Variants in BEND6 observed in about 807,000 individuals in gnomAD.
The protein encoded by BEND6 is BEN domain containing 6.
Under a neutral mutation model 31.8 loss-of-function variants are expected in BEND6, and 24 were observed. The ratio of observed to expected loss-of-function variants is 0.75; its 90% CI spans 0.55 to 1.06. The LOEUF (loss-of-function observed/expected upper bound fraction) is 1.06. Among genes scored for constraint, BEND6 ranks in the 50% least tolerant of loss-of-function variants. The pLI is 0.00. For synonymous variants in BEND6, 109 were observed against 114.6 expected (o/e 0.95, Z 0.31); for missense variants, 294 against 327.4 (o/e 0.90, Z 0.79).
At position 57,015,201 on chromosome 6, in the gene BEND6, G is replaced by C. The variant is rs750059493; in HGVS notation, c.367G>C (p.Gly123Arg). Reference protein sequence around the residue: ...GMAEALLKGGGTMSTSASTLW... With the variant: ...GMAEALLKGGRTMSTSASTLW... ...GGCCGAGGCTCTGCTTAAGGGTGGG[G>C]GAACCATGTCTACATCTGCATCCAC... Residue 123 changes from glycine to arginine, a missense_variant, in exon 4 of 7, where the codon GGA becomes CGA. Gly to Arg is a moderately radical substitution (Grantham distance 125). Transcript: ENST00000370746. 2 of 1,613,972 alleles carry C rather than the reference G, an allele frequency of 1.2e-6. No individual in the cohort carries two copies. The highest frequency in any genetic ancestry group is 3.3e-5 in the Admixed American group (2 of 59,998).
chr6:56,992,366 C>G lies in BEND6; in HGVS notation c.121-12C>G. The G allele has an allele frequency of 6.3e-7, 1 of 1,584,042 alleles. No individual in the cohort carries two copies. Among genetic ancestry groups the G allele is most frequent in the Non-Finnish European group, 8.5e-7 (1 of 1,170,576 alleles). ...ATGAGGCTTCTTTTATTGTGCCTGC[C>G]TTCTATTTTAGAGAGACCCATATTC... On this transcript the variant is annotated splice_polypyrimidine_tract_variant and intron_variant, in intron 2 of 6. Transcript: ENST00000370746.
chr6:57,022,199 A>G (rs1593033741), intron 6 of BEND6, among the ~76,000 whole-genome samples: 1 of 145,024 alleles, frequency 6.9e-6, no homozygotes, highest in African/African-American at 2.5e-5. Flanking sequence ...TTAGAGCAGA[A>G]CTGGTATTAC....
chr6:56,996,131 G>A (rs995738726), intron 3 of BEND6, among the ~76,000 whole-genome samples: 3 of 151,952 alleles, frequency 2.0e-5, no homozygotes, highest in African/African-American at 2.4e-5. Context: ...CTAGATGACC[G>A]TCTCCAATAA....
intron 3 of BEND6, among the ~76,000 whole-genome samples, chr6:57,004,289 A>G (rs1827064670): frequency 6.6e-6 from 1 of 152,218 alleles, no homozygotes; most frequent in Non-Finnish European, 1.5e-5. Context: ...GATTCTGCCA[A>G]ACATCTCCTC....
Position 56,983,129 on chromosome 6 carries a change from C to T in BEND6, c.120+1199C>T, listed in dbSNP as rs560592197. On this transcript the variant is annotated intron_variant, in intron 2 of 6. Transcript: ENST00000370746. ...AGTACAGTGGTATTAAAATATAGAC[C>T]TTAATCTGTTTCTGATTTTCAATCA... Among the ~76,000 whole-genome samples, 222 of 152,148 alleles carry T rather than the reference C, an allele frequency of 1.5e-3. 1 individual carries two copies. The highest frequency in any genetic ancestry group is 2.6e-3 in the Admixed American group (39 of 15,272).
intron 4 of BEND6, among the ~76,000 whole-genome samples, chr6:57,016,392 G>T (rs916205851): frequency 3.8e-4 from 58 of 152,302 alleles, no homozygotes; most frequent in African/African-American, 1.4e-3. Flanking sequence ...CAGAAGTCTG[G>T]TACAGGTCTC....
At chr6:56,981,034 G>C (rs60786847) in intron 1 of BEND6, among the ~76,000 whole-genome samples, 3,176 of 152,126 alleles carry the variant, frequency 0.021, 127 homozygotes, top group African/African-American at 0.072. Flanking sequence ...GGCTGGTCTT[G>C]AACTCCTGGG....
chr6:57,011,364 A>G lies in BEND6; in HGVS notation c.299-3769A>G, dbSNP rs549035816. On this transcript the variant is annotated intron_variant, in intron 3 of 6. Coordinates refer to ENST00000370746, the MANE Select transcript of BEND6 (RefSeq NM_152731.3). Reference sequence around the variant, plus strand: ...AATGCTATTATGCTCTCAGGAATTTATAGCATTGACATGATCAGAGGTGCA... The same window carrying G: ...AATGCTATTATGCTCTCAGGAATTTGTAGCATTGACATGATCAGAGGTGCA... 4.6e-5 allele frequency among the ~76,000 whole-genome samples: 7 copies of G among 152,322 alleles called. No homozygotes were observed. In the South Asian group the frequency reaches 8.3e-4, roughly 18 times the overall value.
At chr6:56,991,361 G>A (rs1268683886) in intron 2 of BEND6, among the ~76,000 whole-genome samples, 6 of 151,452 alleles carry the variant, frequency 4.0e-5, no homozygotes, top group Non-Finnish European at 5.9e-5. Flanking sequence ...ACTTTCTGGA[G>A]GTTTTTTTTT....
chr6:56,961,564 T>C (rs1825286714), intron 1 of BEND6, among the ~76,000 whole-genome samples: 1 of 152,160 alleles, frequency 6.6e-6, no homozygotes, highest in Non-Finnish European at 1.5e-5. Flanking sequence ...TCATGCCAAT[T>C]AACTACCCAA....
intron 1 of BEND6, among the ~76,000 whole-genome samples, chr6:56,979,606 C>T (rs895706767): frequency 6.6e-6 from 1 of 152,230 alleles, no homozygotes; most frequent in Admixed American, 6.5e-5. Flanking sequence ...CTCTGAACCC[C>T]AATTAAGCAA....
intron 4 of BEND6, among the ~76,000 whole-genome samples, chr6:57,015,673 C>G (rs375965312): frequency 2.6e-5 from 4 of 151,208 alleles, no homozygotes; most frequent in Non-Finnish European, 5.9e-5. Flanking sequence ...GACGTGATGA[C>G]GGGCACCTGT....
At chr6:56,992,657 C>T in intron 3 of BEND6, 102 bp downstream of exon 3, 2 of 1,228,648 alleles carry the variant, frequency 1.6e-6, no homozygotes, top group Non-Finnish European at 2.2e-6. Flanking sequence ...AAATCCACAC[C>T]TCTGGGAGCT....
chr6:57,021,949 G>A (rs79412407), intron 6 of BEND6, among the ~76,000 whole-genome samples: 5,245 of 152,126 alleles, frequency 0.034, 278 homozygotes, highest in African/African-American at 0.12. Flanking sequence ...TCTGGCATCC[G>A]GTGGTCAGAG....
intron 2 of BEND6, among the ~76,000 whole-genome samples, chr6:56,988,736 A>G (rs140807934): frequency 1.3e-5 from 2 of 152,018 alleles, no homozygotes; most frequent in Non-Finnish European, 2.9e-5. Context: ...TTGTGTTTTA[A>G]TAGTTTTATA....
At position 57,015,245 on chromosome 6, in the gene BEND6, C is replaced by A. The variant is rs1460722243; in HGVS notation, c.411C>A (p.Asn137Lys). The change falls in exon 4 of 7, where the codon AAC (asparagine) becomes AAA (lysine). Residue 137 changes from asparagine (N) to lysine (K), a missense_variant. By Grantham distance (94) the Asn-to-Lys change is moderately conservative. Transcript: ENST00000370746. Reference protein sequence around the residue: ...TSASTLWRATNNSSPDSFAST... With the variant: ...TSASTLWRATKNSSPDSFAST... The stretch of plus-strand genomic sequence containing the variant: ...CATCCACCCTCTGGAGAGCAACAAA[C>A]AACTCCTCGCCAGATTCATTTGCCT... The A allele has an allele frequency of 6.2e-7, 1 of 1,614,156 alleles. No individual in the cohort carries two copies. The highest frequency in any genetic ancestry group is 1.7e-5 in the Admixed American group (1 of 60,024).
rs1392629697 is a variant in BEND6 at position 57,008,176 on chromosome 6, TA to T, written c.299-6956del. The T allele has an allele frequency of 1.8e-5, 13 of 702,858 alleles. No individual in the cohort carries two copies. The African/African-American group carries it at 2.1e-4, about 11-fold the overall frequency. The allele number at this position is 702,858 out of a possible 1,614,324, so 43.5% of individuals were successfully genotyped here. On this transcript the variant is annotated intron_variant, in intron 3 of 6. Transcript: ENST00000370746. ...GTGATTATTTCTATCTTATCTCCTT[TA>T]CAGCTTGGTCCAGAGAGCTGCCTTA...
At chr6:56,997,890 A>C (rs978943540) in intron 3 of BEND6, among the ~76,000 whole-genome samples, 1 of 152,156 alleles carries the variant, frequency 6.6e-6, no homozygotes, top group African/African-American at 2.4e-5. Flanking sequence ...AGTCCCTACT[A>C]TGTGAAAGGG....
rs183838970 is a variant in BEND6, at chr6:56,994,944, C to T, written c.298+2389C>T. On this transcript the variant is annotated intron_variant, in intron 3 of 6. Transcript: ENST00000370746. The stretch of plus-strand genomic sequence containing the variant: ...GCCAATTCCAAGTCTTCTTAATTCT[C>T]AGTTGATGGCTTTACTTCTTACTTC... 1.5e-3 allele frequency among the ~76,000 whole-genome samples: 236 copies of T among 152,292 alleles called. 1 individual carries two copies. The highest frequency in any genetic ancestry group is 3.4e-3 in the Middle Eastern group (1 of 294).
Sources: allele counts gnomAD v4.1 joint callset (sites outside exome capture counted in the v4.1 genomes callset), GRCh38; gene constraint gnomAD v4.1.1; transcripts MANE v1.5; gene names NCBI Gene and HGNC (gene_info 2026-07-23, HGNC 2026-07-21).